The following ENTPD6 variants were observed in gnomAD, a reference collection of about 807,000 sequenced individuals.
ENTPD6 encodes the protein CD39 antigen-like 2.
In ENTPD6, 46 loss-of-function variants were observed where a neutral mutation model predicts 61.5. That is an observed-to-expected ratio of 0.75 (90% CI 0.59 to 0.96). The LOEUF (loss-of-function observed/expected upper bound fraction) is 0.96. Ranked by LOEUF, ENTPD6 falls within the 40% of genes least tolerant of loss-of-function variation. The pLI, the probability that ENTPD6 is intolerant of heterozygous loss-of-function variation, is 0.00. For missense variants in ENTPD6, 612 were observed against 629.0 expected, an observed-to-expected ratio of 0.97 and a Z score of 0.29; for synonymous variants, 252 against 255.5, an observed-to-expected ratio of 0.99 and a Z score of 0.13.
intron 12 of ENTPD6, among the ~76,000 whole-genome samples, chr20:25,223,548 A>G (rs1386075960): frequency 6.6e-6 from 1 of 152,152 alleles, no homozygotes; most frequent in Non-Finnish European, 1.5e-5. Flanking sequence ...CTACTGTTTT[A>G]AATAAGCTGA....
chr20:25,206,486 T>C (rs1246918569), intron 1 of ENTPD6, 36 bp from the exon 2 acceptor site: 8 of 1,544,922 alleles, frequency 5.2e-6, no homozygotes, highest in African/African-American at 2.7e-5. Flanking sequence ...TTTTGTAGGC[T>C]TTGGAAGTAC....
chr20:25,209,810 A>AT (rs2091826576), intron 3 of ENTPD6, 39 bp from the exon 4 acceptor site: 1 of 1,541,528 alleles, frequency 6.5e-7, no homozygotes, highest in Admixed American at 1.7e-5. Context: ...TCCTGTGTGT[A>AT]TTCATAGTTG....
rs889494773 is a variant in ENTPD6, at chr20:25,206,598, T to C, written c.54+8T>C. 3 of 1,608,544 alleles carry C rather than the reference T, an allele frequency of 1.9e-6. No individual in the cohort carries two copies. The highest frequency in any genetic ancestry group is 2.6e-6 in the Non-Finnish European group (3 of 1,174,820). The stretch of plus-strand genomic sequence containing the variant: ...ACGAGCTACATTTTTCAGGTTTGTC[T>C]GGGGCTCTCAGTAGTTGCCCAAGGG... On this transcript the variant is annotated splice_region_variant and intron_variant, in intron 2 of 14. Coordinates refer to ENST00000376652, the MANE Select transcript of ENTPD6 (RefSeq NM_001247.5).
chr20:25,223,447 G>A (rs2092702988), intron 12 of ENTPD6, among the ~76,000 whole-genome samples: 1 of 152,234 alleles, frequency 6.6e-6, no homozygotes, highest in Non-Finnish European at 1.5e-5. Context: ...GCTAGTGGTG[G>A]TCAGGCTGTG....
chr20:25,206,926 TTA>T (rs2091546273), intron 2 of ENTPD6, 148 bp from the exon 3 acceptor site: 2 of 716,280 alleles, frequency 2.8e-6, no homozygotes, highest in Admixed American at 5.6e-5. Flanking sequence ...TCTGGAATAA[TTA>T]TGAGGCTCAA....
chr20:25,199,531 C>T (rs927204338), intron 1 of ENTPD6, among the ~76,000 whole-genome samples: 2 of 152,138 alleles, frequency 1.3e-5, no homozygotes, highest in African/African-American at 4.8e-5. Context: ...CAACATAATC[C>T]TTTTTAAATG....
intron 1 of ENTPD6, chr20:25,197,141 T>C (rs2090524105): frequency 1.0e-6 from 1 of 985,410 alleles, no homozygotes; most frequent in Non-Finnish European, 1.2e-6. Context: ...GACCCTTCCG[T>C]GTACTTGAAC....
chr20:25,222,736 C>T, intron 11 of ENTPD6, 102 bp from the exon 12 acceptor site: 1 of 1,479,302 alleles, frequency 6.8e-7, no homozygotes, highest in Non-Finnish European at 9.1e-7. Context: ...CTTTTCCTGA[C>T]AATTCAGGTC....
At chr20:25,217,232 G>A (rs2092366105) in intron 8 of ENTPD6, among the ~76,000 whole-genome samples, 1 of 152,176 alleles carries the variant, frequency 6.6e-6, no homozygotes, top group Admixed American at 6.5e-5. Flanking sequence ...TTCCATGGAA[G>A]GGTGGGCTCA....
chr20:25,200,417 C>T (rs1217524705), intron 1 of ENTPD6, among the ~76,000 whole-genome samples: 1 of 151,922 alleles, frequency 6.6e-6, no homozygotes. Context: ...GGGTAGAAGC[C>T]ATTTAGTTAA....
chr20:25,222,776 A>G (rs1369241333), intron 11 of ENTPD6, 62 bp from the exon 12 acceptor site: 4 of 1,590,314 alleles, frequency 2.5e-6, no homozygotes, highest in Non-Finnish European at 3.4e-6. Flanking sequence ...GAGGGGCCCC[A>G]AGCAGCTGTG....
At chr20:25,199,068 C>T (rs1245593740) in intron 1 of ENTPD6, among the ~76,000 whole-genome samples, 1 of 152,186 alleles carries the variant, frequency 6.6e-6, no homozygotes, top group East Asian at 1.9e-4. Context: ...TCAGCAGACC[C>T]CCTTCAACAG....
intron 1 of ENTPD6, among the ~76,000 whole-genome samples, chr20:25,198,189 T>C (rs2090678574): frequency 6.6e-6 from 1 of 152,156 alleles, no homozygotes; most frequent in Non-Finnish European, 1.5e-5. Context: ...TAAGATTTGA[T>C]TATGGGCCAG....
intron 1 of ENTPD6, among the ~76,000 whole-genome samples, chr20:25,198,436 C>T (rs1227187716): frequency 5.3e-5 from 8 of 151,790 alleles, no homozygotes; most frequent in Non-Finnish European, 1.5e-5. Flanking sequence ...GATTGTGCTA[C>T]TTCACTCCAG....
At position 25,216,858 on chromosome 20, in the gene ENTPD6, T is replaced by G. The variant is rs528360319; in HGVS notation, c.798+122T>G. ...TGGGGGGTGGGGTTGGCCAGGTCTC[T>G]GGACCCCTGCGGTCATTTCCTCTTC... On this transcript the variant is annotated intron_variant, in intron 8 of 14. Transcript: ENST00000376652. 8 of 674,888 alleles carry G rather than the reference T, an allele frequency of 1.2e-5. No homozygotes were observed. The South Asian group carries it at 1.3e-4, about 11-fold the overall frequency. The allele number at this position is 674,888 out of a possible 1,614,324, so 41.8% of individuals were successfully genotyped here.
At chr20:25,201,245 G>A (rs938333250) in intron 1 of ENTPD6, among the ~76,000 whole-genome samples, 4 of 152,168 alleles carry the variant, frequency 2.6e-5, no homozygotes, top group Non-Finnish European at 5.9e-5. Context: ...GGCGTTGCAT[G>A]CAGGGCGCTC....
chr20:25,215,634 A>C (rs2092269142), intron 6 of ENTPD6, 42 bp from the exon 7 acceptor site: 1 of 1,610,030 alleles, frequency 6.2e-7, no homozygotes, highest in African/African-American at 1.3e-5. Flanking sequence ...TGCTTTCAGC[A>C]TCTCAAGTGA....
Position 25,222,826 on chromosome 20 carries a change from G to C in ENTPD6, c.1046-12G>C. The C allele has an allele frequency of 4.3e-6, 7 of 1,613,342 alleles. No individual in the cohort carries two copies. The highest frequency in any genetic ancestry group is 5.9e-6 in the Non-Finnish European group (7 of 1,179,832). The stretch of plus-strand genomic sequence containing the variant: ...GGAGCCCACTGACCGCTAGCCTTGT[G>C]CTTGTCCCCAGCGGCAAGCCTGCAC... On this transcript the variant is annotated splice_polypyrimidine_tract_variant and intron_variant, in intron 11 of 14. Transcript: ENST00000376652.
At chr20:25,203,848 A>G (rs775388374) in intron 1 of ENTPD6, among the ~76,000 whole-genome samples, 1 of 152,224 alleles carries the variant, frequency 6.6e-6, no homozygotes, top group Non-Finnish European at 1.5e-5. Context: ...TTTGAAAAAC[A>G]GCTCCTTGTC....
Sources: allele counts gnomAD v4.1 joint callset (sites outside exome capture counted in the v4.1 genomes callset), GRCh38; gene constraint gnomAD v4.1.1; transcripts MANE v1.5; gene names NCBI Gene and HGNC (gene_info 2026-07-23, HGNC 2026-07-21).